The following ABCC10 variants were observed in gnomAD, a reference collection of about 807,000 sequenced individuals.
ABCC10 encodes ATP-binding cassette sub-family C member 10.
ABCC10 carries 110 observed loss-of-function variants against 143.2 expected under a neutral mutation model. The ratio of observed to expected loss-of-function variants is 0.77; its 90% confidence interval spans 0.66 to 0.90. The LOEUF is 0.90. Ranked by LOEUF, ABCC10 falls within the 40% of genes least tolerant of loss-of-function variation. ABCC10 has a pLI of 0.00. For synonymous variants in ABCC10, 805 were observed against 846.7 expected (o/e 0.95, Z 0.85); for missense variants, 1,700 against 1,900.5 (o/e 0.89, Z 1.96).
chr6:43,439,379 T>G (rs1782085682), intron 8 of ABCC10, among the ~76,000 whole-genome samples: 1 of 149,388 alleles, frequency 6.7e-6, no homozygotes, highest in Admixed American at 6.8e-5. Context: ...GCTGTCATTC[T>G]TTTTATTACT....
At position 43,444,140 on chromosome 6, in the gene ABCC10, T is replaced by A; in HGVS notation, c.2495-19T>A. 1 of 1,611,438 alleles carries A rather than the reference T, an allele frequency of 6.2e-7. No homozygotes were observed. Among genetic ancestry groups the A allele is most frequent in the Admixed American group, 1.7e-5 (1 of 59,870 alleles). On this transcript the variant is annotated intron_variant, in intron 11 of 21. Coordinates refer to ENST00000372530, the MANE Select transcript of ABCC10 (RefSeq NM_001198934.2). ...GCACCCTGCAAGCTTAATTCTTCCA[T>A]GACCCCTGATTCTCACAGCCACAGC...
chr6:43,432,804 G>A lies in ABCC10; in HGVS notation c.824G>A (p.Arg275Lys), dbSNP rs773508449. ...AHWQEGARLW[R>K]ALYGAFGRCY... ...TGGCAGGAGGGGGCACGGCTGTGGAGGGCCTTGTATGGGGCCTTTGGACGG... is the reference window on the plus strand; with the variant it reads ...TGGCAGGAGGGGGCACGGCTGTGGAAGGCCTTGTATGGGGCCTTTGGACGG... The change falls in exon 3 of 22, where the codon AGG (arginine) becomes AAG (lysine). Residue 275 changes from arginine (R) to lysine (K), a missense_variant. Arg to Lys is a conservative substitution (Grantham distance 26). Transcript: ENST00000372530. 1 of 1,614,212 alleles carries A rather than the reference G, an allele frequency of 6.2e-7. No homozygotes were observed. The highest frequency in any genetic ancestry group is 8.5e-7 in the Non-Finnish European group (1 of 1,180,032).
downstream of ABCC10, among the ~76,000 whole-genome samples, chr6:43,451,440 A>G (rs756571686): frequency 5.3e-5 from 8 of 152,216 alleles, no homozygotes; most frequent in Non-Finnish European, 1.2e-4. The surrounding 1 kb of genome is among the most constrained non-coding windows in gnomAD (Gnocchi z 4.4). Context: ...CAGCTTCCCT[A>G]ATTGTGAGGG....
In ABCC10 at chr6:43,432,548, G is replaced by A. The variant is rs765648991; in HGVS notation, c.568G>A (p.Ala190Thr). The change falls in exon 3 of 22, where the codon GCA becomes ACA. Residue 190 changes from alanine (A) to threonine (T), a missense_variant. Ala to Thr is a moderately conservative substitution (Grantham distance 58). Transcript: ENST00000372530. The part of the protein sequence containing the change: ...AALLAYALGW[A>T]APGGPREPWA... The stretch of plus-strand genomic sequence containing the variant: ...ACTCTTGGCCTATGCACTGGGATGG[G>A]CAGCTCCTGGGGGACCACGAGAACC... 24 of 1,612,934 alleles carry A rather than the reference G, an allele frequency of 1.5e-5. No individual in the cohort carries two copies. Among genetic ancestry groups the A allele is most frequent in the Middle Eastern group, 1.6e-4 (1 of 6,084 alleles).
chr6:43,432,217 C>T lies in ABCC10; in HGVS notation c.237C>T (p.Phe79=), dbSNP rs771881124. 9.3e-6 allele frequency: 15 copies of T among 1,614,132 alleles called. No individual in the cohort carries two copies. Among genetic ancestry groups the T allele is most frequent in the African/African-American group, 2.7e-5 (2 of 74,954 alleles). ...RLAASFLLSV[F]PLLDLLPVAL... is the part of the protein sequence containing the mutation. ...CAGCTTCCTTCCTGCTTTCCGTCTT[C>T]CCGCTGCTAGACCTTCTTCCAGTTG... Residue 79 remains phenylalanine, a synonymous_variant, in exon 3 of 22, where the codon TTC becomes TTT. Coordinates refer to ENST00000372530, the MANE Select transcript of ABCC10 (RefSeq NM_001198934.2).
chr6:43,446,605 G>A (rs1783110041), intron 16 of ABCC10, 159 bp downstream of exon 16: 1 of 985,176 alleles, frequency 1.0e-6, no homozygotes. Context: ...TTGGAGTTGA[G>A]GAGACAATCC....
At position 43,433,064 on chromosome 6, in the gene ABCC10, A is replaced by C; in HGVS notation, c.1084A>C (p.Ile362Leu). 1 of 1,614,150 alleles carries C rather than the reference A, an allele frequency of 6.2e-7. No homozygotes were observed. Among genetic ancestry groups the C allele is most frequent in the African/African-American group, 1.3e-5 (1 of 75,028 alleles). Reference sequence around the variant, plus strand: ...TCAGGCACGGGGGGCTGTGCTGAACATCCTGTACTGCAAGGCTTTACAGCT... The same window carrying C: ...TCAGGCACGGGGGGCTGTGCTGAACCTCCTGTACTGCAAGGCTTTACAGCT... ...TLQARGAVLN[I>L]LYCKALQLGP... Residue 362 changes from isoleucine to leucine, a missense_variant, in exon 3 of 22, where the codon ATC becomes CTC. Transcript: ENST00000372530.
Position 43,437,954 on chromosome 6 carries a change from G to T in ABCC10, c.1896G>T (p.Val632=). The T allele has an allele frequency of 6.2e-7, 1 of 1,613,268 alleles. No individual in the cohort carries two copies. Among genetic ancestry groups the T allele is most frequent in the Non-Finnish European group, 8.5e-7 (1 of 1,179,744 alleles). ...TGCAGGGTATGCTGGTGGGCATCGT[G>T]GGGAAGGTCGGCTGTGGGAAGAGCT... The part of the protein sequence containing the change: ...EVKKGMLVGI[V]GKVGCGKSSL... The change falls in exon 7 of 22, where the codon GTG becomes GTT. Residue 632 remains valine (V), a synonymous_variant. Coordinates refer to ENST00000372530, the MANE Select transcript of ABCC10 (RefSeq NM_001198934.2).
intron 16 of ABCC10, 96 bp downstream of exon 16, chr6:43,446,542 C>A (rs1305556619): frequency 1.2e-5 from 17 of 1,466,530 alleles, no homozygotes; most frequent in Non-Finnish European, 1.4e-5. Context: ...ATTTTCACCT[C>A]CCACCCAGGG....
chr6:43,451,298 A>C (rs763361670), downstream of ABCC10: 1 of 1,605,396 alleles, frequency 6.2e-7, no homozygotes, highest in South Asian at 1.1e-5. The surrounding 1 kb of genome is among the most constrained non-coding windows in gnomAD (Gnocchi z 4.4). Context: ...GAGAGAGGAC[A>C]TGATAACCAA....
At chr6:43,428,269 G>A (rs1780720149) in intron 2 of ABCC10, 130 bp downstream of exon 2, 3 of 1,109,234 alleles carry the variant, frequency 2.7e-6, no homozygotes, top group African/African-American at 3.2e-5. Context: ...TAAAATCTAA[G>A]CATTGCTACT....
At chr6:43,438,538 T>C in intron 7 of ABCC10, 86 bp from the exon 8 acceptor site, 1 of 1,535,778 alleles carries the variant, frequency 6.5e-7, no homozygotes. Flanking sequence ...GACAGCAGCC[T>C]GGGGAGGCTT....
chr6:43,428,333 G>T (rs559929556), intron 2 of ABCC10, among the ~76,000 whole-genome samples, 194 bp downstream of exon 2: 2 of 152,334 alleles, frequency 1.3e-5, no homozygotes, highest in East Asian at 1.9e-4. Flanking sequence ...GAGTCTCATT[G>T]TTGGGAGGTT....
At position 43,443,840 on chromosome 6, in the gene ABCC10, G is replaced by C. The variant is rs750122264; in HGVS notation, c.2417-93G>C. 1 of 1,315,848 alleles carries C rather than the reference G, an allele frequency of 7.6e-7. No homozygotes were observed. Among genetic ancestry groups the C allele is most frequent in the Non-Finnish European group, 1.1e-6 (1 of 910,406 alleles). 81.5% of individuals were successfully genotyped at this position (1,315,848 alleles called of 1,614,324 possible). ...TAGGGTGGGTTAGACGGGGAGGCCT[G>C]AGAGGATGAGAGGTGGGATCTGCAC... On this transcript the variant is annotated intron_variant, in intron 10 of 21. Coordinates refer to ENST00000372530, the MANE Select transcript of ABCC10 (RefSeq NM_001198934.2). The surrounding 1 kb of genome is among the most constrained non-coding windows in gnomAD (Gnocchi z 4.2).
Position 43,446,409 on chromosome 6 carries a change from C to T in ABCC10, c.3507C>T (p.Ile1169=), listed in dbSNP as rs75799355. 2.5e-3 allele frequency: 4,038 copies of T among 1,612,418 alleles called. 4 individuals are homozygous for T. Among genetic ancestry groups the T allele is most frequent in the Non-Finnish European group, 3.1e-3 (3,611 of 1,179,826 alleles). The part of the protein sequence containing the change: ...GAAVVSAIAG[I]ALVQHQQGLA... ...CAGTGGTCAGCGCTATCGCAGGCAT[C>T]GCTCTGGTGCAGCACCAGCAGGGCC... Residue 1169 remains isoleucine (I), a synonymous_variant, in exon 16 of 22, where the codon ATC becomes ATT. Coordinates refer to ENST00000372530, the MANE Select transcript of ABCC10 (RefSeq NM_001198934.2).
At chr6:43,429,402 G>GTGTC (rs1780879950) in intron 2 of ABCC10, among the ~76,000 whole-genome samples, 1 of 40,204 alleles carries the variant, frequency 2.5e-5, no homozygotes, top group Admixed American at 2.2e-4. Flanking sequence ...GTGTGTGTGT[G>GTGTC]TGTGTGTGGC....
At chr6:43,431,876 G>T (rs1781175184) in intron 2 of ABCC10, 2 of 1,298,064 alleles carry the variant, frequency 1.5e-6, no homozygotes, top group Non-Finnish European at 1.9e-6. Context: ...AAAAAAACAT[G>T]AATCAGAAAT....
chr6:43,448,701 T>A (rs1370136974), intron 18 of ABCC10, among the ~76,000 whole-genome samples, 180 bp from the exon 19 acceptor site: 1 of 152,088 alleles, frequency 6.6e-6, no homozygotes, highest in Non-Finnish European at 1.5e-5. Flanking sequence ...ACTGGCACAG[T>A]TCTAGGTACC....
chr6:43,434,909 G>A (rs1781520666), intron 4 of ABCC10, 61 bp downstream of exon 4: 1 of 1,544,208 alleles, frequency 6.5e-7, no homozygotes, highest in African/African-American at 1.4e-5. Flanking sequence ...GAAGACAGAG[G>A]CTTGGGCCCT....
Sources: gnomAD v4.1 joint callset for allele counts (sites outside exome capture counted in the v4.1 genomes callset) on GRCh38, gnomAD v4.1.1 for gene constraint, Gnocchi (gnomAD v3.1) non-coding constraint, MANE v1.5 for transcripts, NCBI Gene and HGNC (gene_info 2026-07-23, HGNC 2026-07-21) for gene names.